RYR3: variants seen among roughly 807,000 people sequenced by gnomAD.
The protein encoded by RYR3 is brain ryanodine receptor-calcium release channel.
A neutral mutation model predicts 584.3 loss-of-function variants in RYR3; 207 were observed. The observed-to-expected ratio is 0.35, with a 90% CI of 0.32 to 0.40. RYR3 has a LOEUF of 0.40. Among genes scored for constraint, RYR3 ranks in the 10% least tolerant of loss-of-function variants. The pLI is 1.00. For missense variants in RYR3, 5,616 were observed against 6,089.2 expected, an observed-to-expected ratio of 0.92 and a Z score of 2.59; for synonymous variants, 2,416 against 2,248.5, an observed-to-expected ratio of 1.07 and a Z score of -2.11.
chr15:33,847,077 C>G (rs2078770114), intron 93 of RYR3: 1 of 152,222 alleles, frequency 6.6e-6, no homozygotes, highest in Non-Finnish European at 1.5e-5. Flanking sequence ...CACCGCTCTA[C>G]AACTTGATAT....
intron 43 of RYR3, among the ~76,000 whole-genome samples, chr15:33,720,763 A>G (rs1490918647): frequency 6.6e-6 from 1 of 152,054 alleles, no homozygotes; most frequent in Non-Finnish European, 1.5e-5. Context: ...AGTCTCAGCT[A>G]CTCAAGAGGC....
chr15:33,628,885 T>C (rs2061133180), intron 21 of RYR3, among the ~76,000 whole-genome samples: 2 of 152,212 alleles, frequency 1.3e-5, no homozygotes, highest in Non-Finnish European at 2.9e-5. Context: ...TCAGAACTTG[T>C]TTAATATGGT....
intron 99 of RYR3, 107 bp downstream of exon 99, chr15:33,858,021 A>C: frequency 2.9e-6 from 4 of 1,392,060 alleles, no homozygotes; most frequent in Non-Finnish European, 3.9e-6. Context: ...AGAACTGTAG[A>C]GTTAGTTACA....
intron 85 of RYR3, among the ~76,000 whole-genome samples, chr15:33,829,649 A>C (rs1397601902): frequency 6.6e-6 from 1 of 151,596 alleles, no homozygotes. Flanking sequence ...GCTACTCGGG[A>C]GGCTGAGGCA....
chr15:33,336,512 AG>A lies in RYR3; in HGVS notation c.51+25418del, dbSNP rs1567047494. Among the ~76,000 whole-genome samples, 10 of 62,756 alleles carry A rather than the reference AG, an allele frequency of 1.6e-4. 1 individual carries two copies. Among genetic ancestry groups the A allele is most frequent in the African/African-American group, 1.6e-4 (2 of 12,378 alleles). 41.2% of individuals were successfully genotyped at this position (62,756 alleles called of 152,430 possible). Reference sequence around the variant, plus strand: ...AAAGAAAGAAAGAAAGAAGGAGGGAAGGAGGGAAGGAGGGAAGGAGGGAAGG... The same window carrying A: ...AAAGAAAGAAAGAAAGAAGGAGGGAAGAGGGAAGGAGGGAAGGAGGGAAGG... On this transcript the variant is annotated intron_variant, in intron 1 of 103. Transcript: ENST00000634891.
chr15:33,500,781 G>A (rs1028050766), intron 2 of RYR3, among the ~76,000 whole-genome samples: 1 of 152,196 alleles, frequency 6.6e-6, no homozygotes, highest in African/African-American at 2.4e-5. Context: ...TAATGGACGA[G>A]TGGCCTTTGC....
At chr15:33,789,976 G>T (rs977141860) in intron 67 of RYR3, among the ~76,000 whole-genome samples, 11 of 117,006 alleles carry the variant, frequency 9.4e-5, no homozygotes, top group African/African-American at 2.8e-4. Flanking sequence ...GAGCCACCAC[G>T]CCTGGCCTTC....
Position 33,662,847 on chromosome 15 carries a change from C to T in RYR3, c.5317C>T (p.Gln1773Ter). ...EEGAEKEEVT[Q>*]VEEKAVEAGE... ...GGGAGCAGAAAAGGAGGAAGTGACC[C>T]AGGTGGAGGAGAAGGCTGTGGAGGC... Residue 1773 changes from glutamine (Q) to a stop codon, truncating the protein, a stop_gained, in exon 35 of 104, where the codon CAG becomes TAG. Transcript: ENST00000634891. LOFTEE classifies it high-confidence loss of function. 1 of 1,613,814 alleles carries T rather than the reference C, an allele frequency of 6.2e-7. No homozygotes were observed. The highest frequency in any genetic ancestry group is 8.5e-7 in the Non-Finnish European group (1 of 1,179,866).
chr15:33,440,723 A>G (rs1047763223), intron 1 of RYR3, among the ~76,000 whole-genome samples: 3 of 152,194 alleles, frequency 2.0e-5, no homozygotes, highest in African/African-American at 7.2e-5. Context: ...CTATCCCTAG[A>G]GGTTCTATTT....
intron 38 of RYR3, among the ~76,000 whole-genome samples, chr15:33,695,438 A>T (rs947072520): frequency 6.6e-6 from 1 of 152,152 alleles, no homozygotes; most frequent in African/African-American, 2.4e-5. Flanking sequence ...AATTTCCGTA[A>T]AACCAGTATG....
chr15:33,771,749 G>A (rs908220598), intron 62 of RYR3, among the ~76,000 whole-genome samples, 171 bp from the exon 63 acceptor site: 4 of 152,210 alleles, frequency 2.6e-5, no homozygotes, highest in African/African-American at 7.2e-5. Flanking sequence ...CTGGGATTGT[G>A]TGATTCAGGT....
chr15:33,805,221 TG>T (rs2076120171), intron 69 of RYR3, among the ~76,000 whole-genome samples: 1 of 152,182 alleles, frequency 6.6e-6, no homozygotes, highest in Admixed American at 6.5e-5. Context: ...GCCCAAGAAA[TG>T]CCAGTTCCTT....
chr15:33,845,546 G>A (rs566485498), intron 93 of RYR3, among the ~76,000 whole-genome samples: 5 of 152,252 alleles, frequency 3.3e-5, no homozygotes, highest in South Asian at 4.1e-4. Context: ...GAGCCACTGC[G>A]CCCAGCCCCT....
chr15:33,786,738 G>A (rs2074743853), intron 66 of RYR3, among the ~76,000 whole-genome samples: 1 of 152,150 alleles, frequency 6.6e-6, no homozygotes, highest in African/African-American at 2.4e-5. Flanking sequence ...GAGTCCACCA[G>A]TAACATCTTT....
Position 33,349,744 on chromosome 15 carries a change from C to G in RYR3, c.51+38648C>G, listed in dbSNP as rs1049629051. Among the ~76,000 whole-genome samples the G allele has an allele frequency of 1.9e-5, 2 of 104,420 alleles. 1 individual carries two copies. Among genetic ancestry groups the G allele is most frequent in the East Asian group, 6.4e-4 (2 of 3,108 alleles). The allele number at this position is 104,420 out of a possible 152,430, so 68.5% of individuals were successfully genotyped here. A position where few individuals can be genotyped will look rare whatever the true frequency, so the allele number is the denominator to read the frequency against. ...TATCTCCCAATGCTATCCCTCCCCC[C>G]TCCCCCCACCCCACAACAGTCCCCA... On this transcript the variant is annotated intron_variant, in intron 1 of 103. Coordinates refer to ENST00000634891, the MANE Select transcript of RYR3 (RefSeq NM_001036.6).
At chr15:33,798,166 G>GC (rs1410727508) in intron 67 of RYR3, among the ~76,000 whole-genome samples, 1 of 152,110 alleles carries the variant, frequency 6.6e-6, no homozygotes, top group Non-Finnish European at 1.5e-5. Flanking sequence ...GGTGCTCACT[G>GC]CAACCTCCGC....
chr15:33,644,631 A>G (rs2061998391), intron 28 of RYR3, 112 bp downstream of exon 28: 2 of 746,302 alleles, frequency 2.7e-6, no homozygotes, highest in Admixed American at 2.4e-5. Context: ...TGCCCTGGCC[A>G]CTTACCAGCC....
chr15:33,323,210 C>T (rs1390745546), intron 1 of RYR3, among the ~76,000 whole-genome samples: 1 of 152,100 alleles, frequency 6.6e-6, no homozygotes, highest in African/African-American at 2.4e-5. Flanking sequence ...CTCCCAGGTT[C>T]ACGCCATCCT....
chr15:33,673,354 C>T (rs1052448581), intron 38 of RYR3, among the ~76,000 whole-genome samples: 1 of 152,242 alleles, frequency 6.6e-6, no homozygotes, highest in South Asian at 2.1e-4. Context: ...GAGAGAGCAA[C>T]AGTGTCCTGA....
Sources: allele counts gnomAD v4.1 joint callset (sites outside exome capture counted in the v4.1 genomes callset), GRCh38; gene constraint gnomAD v4.1.1; transcripts MANE v1.5; gene names NCBI Gene and HGNC (gene_info 2026-07-23, HGNC 2026-07-21).